GREB1L: variants seen among roughly 807,000 people sequenced by gnomAD.
GREB1L encodes the protein GREB1 like retinoic acid receptor coactivator, also known as GREB1-like protein.
GREB1L carries 17 observed loss-of-function variants against 200.8 expected under a neutral mutation model. The ratio of observed to expected loss-of-function variants is 0.08; its 90% confidence interval spans 0.06 to 0.13. The LOEUF is 0.13. GREB1L is among the 10% of genes least tolerant of loss of function. The pLI is 1.00. For synonymous variants in GREB1L, 789 were observed against 893.0 expected (o/e 0.88, Z 2.08); for missense variants, 1,657 against 2,367.7 (o/e 0.70, Z 6.23).
chr18:21,461,335 T>A (rs1280229839), intron 15 of GREB1L, among the ~76,000 whole-genome samples: 1 of 152,100 alleles, frequency 6.6e-6, no homozygotes, highest in African/African-American at 2.4e-5. Context: ...TCTCGTTCCA[T>A]CAGTGTCAAC....
chr18:21,436,737 G>A (rs2033569898), intron 7 of GREB1L, among the ~76,000 whole-genome samples: 1 of 149,454 alleles, frequency 6.7e-6, no homozygotes, highest in Non-Finnish European at 1.5e-5. Context: ...CTGAAACAGG[G>A]TATCTCTCTG....
chr18:21,252,858 C>T (rs1465844301), intron 1 of GREB1L, among the ~76,000 whole-genome samples: 2 of 152,124 alleles, frequency 1.3e-5, no homozygotes, highest in Non-Finnish European at 2.9e-5. Context: ...GACTGTCCCT[C>T]CCCACCCCCC....
At chr18:21,474,330 A>G (rs778410386) in intron 16 of GREB1L, among the ~76,000 whole-genome samples, 1 of 152,238 alleles carries the variant, frequency 6.6e-6, no homozygotes, top group African/African-American at 2.4e-5. Context: ...TACAGCCATT[A>G]CAAATGGGAG....
chr18:21,404,424 A>G (rs1192078157), intron 7 of GREB1L, among the ~76,000 whole-genome samples: 1 of 152,232 alleles, frequency 6.6e-6, no homozygotes, highest in Non-Finnish European at 1.5e-5. Context: ...GTCCTAAGCT[A>G]GGATTGTGGA....
intron 4 of GREB1L, among the ~76,000 whole-genome samples, chr18:21,391,826 T>A (rs962120319): frequency 6.6e-6 from 1 of 152,256 alleles, no homozygotes; most frequent in Non-Finnish European, 1.5e-5. Flanking sequence ...TTATTTATTT[T>A]GAGACAGAGT....
intron 1 of GREB1L, among the ~76,000 whole-genome samples, chr18:21,285,740 C>T (rs1274043946): frequency 2.0e-5 from 3 of 152,074 alleles, no homozygotes; most frequent in Non-Finnish European, 2.9e-5. Flanking sequence ...GGAAGGGGCC[C>T]CAAATGGACT....
At chr18:21,320,669 G>C (rs1276787699) in intron 1 of GREB1L, among the ~76,000 whole-genome samples, 5 of 152,072 alleles carry the variant, frequency 3.3e-5, no homozygotes, top group African/African-American at 1.2e-4. Flanking sequence ...AAGAGGCTGA[G>C]GCAGGAGAAT....
chr18:21,380,462 G>A (rs888741932), intron 2 of GREB1L: 2 of 151,922 alleles, frequency 1.3e-5, no homozygotes, highest in African/African-American at 4.8e-5. Flanking sequence ...TTTTAAATTC[G>A]ATCCCTCTCT....
intron 7 of GREB1L, among the ~76,000 whole-genome samples, chr18:21,435,839 GA>G (rs1400084316): frequency 2.6e-5 from 4 of 152,114 alleles, no homozygotes; most frequent in African/African-American, 9.7e-5. Context: ...GGTTTGATTT[GA>G]ACTTGAGCTA....
chr18:21,415,295 G>T (rs2031517036), intron 7 of GREB1L, among the ~76,000 whole-genome samples: 1 of 152,188 alleles, frequency 6.6e-6, no homozygotes, highest in African/African-American at 2.4e-5. Context: ...TGAGAGGATT[G>T]CTTGAGCTCA....
At chr18:21,341,093 TG>T (rs895503183) in intron 1 of GREB1L, among the ~76,000 whole-genome samples, 9 of 152,194 alleles carry the variant, frequency 5.9e-5, no homozygotes, top group Non-Finnish European at 1.2e-4. Flanking sequence ...CTGCCTGTCT[TG>T]GCTTTCAGAG....
rs548207057 is a variant in GREB1L, at chr18:21,312,640, G to A, written c.-119-53387G>A. Among the ~76,000 whole-genome samples, 369 of 151,774 alleles carry A rather than the reference G, an allele frequency of 2.4e-3. 3 individuals carry two copies. Among genetic ancestry groups the A allele is most frequent in the Non-Finnish European group, 1.8e-3 (125 of 67,928 alleles). Reference sequence around the variant, plus strand: ...ATGATCTCGGCTCACTGCAACCTCCGCCTCCCGGGTTCAAGTGATTCTCCT... The same window carrying A: ...ATGATCTCGGCTCACTGCAACCTCCACCTCCCGGGTTCAAGTGATTCTCCT... On this transcript the variant is annotated intron_variant, in intron 1 of 32. Coordinates refer to ENST00000424526, the MANE Select transcript of GREB1L (RefSeq NM_001142966.3).
chr18:21,502,689 C>T (rs1449431647), intron 23 of GREB1L, among the ~76,000 whole-genome samples: 1 of 152,162 alleles, frequency 6.6e-6, no homozygotes, highest in Non-Finnish European at 1.5e-5. Context: ...TCGTCGGGCC[C>T]ACCAGGTTGG....
intron 1 of GREB1L, among the ~76,000 whole-genome samples, chr18:21,355,355 G>A (rs545955358): frequency 2.5e-4 from 38 of 152,122 alleles, no homozygotes; most frequent in African/African-American, 8.4e-4. Context: ...CTCCATGCCT[G>A]GCTAATTTTT....
At chr18:21,268,556 CACACATATATAT>C (rs1242014640) in intron 1 of GREB1L, among the ~76,000 whole-genome samples, 43 of 95,736 alleles carry the variant, frequency 4.5e-4, no homozygotes, top group African/African-American at 1.6e-3. Flanking sequence ...CACACACACA[CACACATATATAT>C]ATATATATAT....
chr18:21,443,585 T>C (rs1486273625), intron 10 of GREB1L, among the ~76,000 whole-genome samples: 1 of 152,248 alleles, frequency 6.6e-6, no homozygotes, highest in Non-Finnish European at 1.5e-5. Flanking sequence ...TATTTTATCA[T>C]TGCAGTTTTA....
chr18:21,431,026 AT>A (rs2033113035), intron 7 of GREB1L, among the ~76,000 whole-genome samples: 1 of 145,906 alleles, frequency 6.9e-6, no homozygotes, highest in Non-Finnish European at 1.5e-5. Flanking sequence ...TTATTTATTT[AT>A]TTATTTATTT....
At chr18:21,436,470 C>T (rs2033542072) in intron 7 of GREB1L, among the ~76,000 whole-genome samples, 1 of 151,918 alleles carries the variant, frequency 6.6e-6, no homozygotes. Context: ...CTTGTCTCTA[C>T]AAAAGATAAA....
intron 2 of GREB1L, among the ~76,000 whole-genome samples, chr18:21,378,531 G>A (rs2040170171): frequency 6.6e-6 from 1 of 152,122 alleles, no homozygotes; most frequent in East Asian, 1.9e-4. Context: ...ACACCACCAT[G>A]CCTGGTTAAT....
Sources: gnomAD v4.1 joint callset for allele counts (sites outside exome capture counted in the v4.1 genomes callset) on GRCh38, gnomAD v4.1.1 for gene constraint, MANE v1.5 for transcripts, NCBI Gene and HGNC (gene_info 2026-07-23, HGNC 2026-07-21) for gene names.